Variants in CEP83 observed in about 807,000 individuals in gnomAD.
The protein encoded by CEP83 is centrosomal protein of 83 kDa.
A neutral mutation model predicts 101.9 loss-of-function variants in CEP83; 70 were observed. That is an observed-to-expected ratio of 0.69 (90% CI 0.57 to 0.84). The LOEUF is 0.84. Ranked by LOEUF, CEP83 falls within the 40% of genes least tolerant of loss-of-function variation. The probability of loss-of-function intolerance (pLI) is 0.00; values close to 1 mark genes in which losing one functional copy is unlikely to be tolerated. For synonymous variants in CEP83, 264 were observed against 267.9 expected, an observed-to-expected ratio of 0.99 and a Z score of 0.14; for missense variants, 715 against 787.2, an observed-to-expected ratio of 0.91 and a Z score of 1.10.
chr12:94,412,154 G>T (rs940040840), intron 3 of CEP83, among the ~76,000 whole-genome samples, 164 bp downstream of exon 3: 11 of 151,964 alleles, frequency 7.2e-5, no homozygotes, highest in African/African-American at 2.4e-4. Context: ...ACTTAGTTTG[G>T]AACAAAGTAA....
rs890716397 is a variant in CEP83 at position 94,388,547 on chromosome 12, A to G, written c.550-9505T>C. Among the ~76,000 whole-genome samples, 4 of 152,196 alleles carry G rather than the reference A, an allele frequency of 2.6e-5. No homozygotes were observed. The East Asian group carries it at 7.7e-4, about 29-fold the overall frequency. On this transcript the variant is annotated intron_variant, in intron 6 of 16. Coordinates refer to ENST00000397809, the MANE Select transcript of CEP83 (RefSeq NM_016122.3). Reference sequence around the variant, plus strand: ...AAGTTCTGCCTCAGCATCATGCAATACACCTGTGTAACAAATCTACACATG... The same window carrying G: ...AAGTTCTGCCTCAGCATCATGCAATGCACCTGTGTAACAAATCTACACATG...
the CEP83 span, among the ~76,000 whole-genome samples, chr12:94,289,078 A>G: frequency 4.5e-4 from 69 of 152,374 alleles, no homozygotes; most frequent in East Asian, 5.2e-3. Context: ...AAGGTTAAAC[A>G]TAAGTTCAAC....
chr12:94,313,510 A>C (rs565467699), intron 14 of CEP83, among the ~76,000 whole-genome samples: 2 of 147,606 alleles, frequency 1.4e-5, no homozygotes, highest in African/African-American at 5.1e-5. Flanking sequence ...ACCCTGGACA[A>C]CAGATCAAGA....
At chr12:94,279,727 CT>C in the CEP83 span, 2 of 1,226,580 alleles carry the variant, frequency 1.6e-6, no homozygotes, top group East Asian at 5.0e-5. Context: ...CCTGTCCCCC[CT>C]CCCTGCCCCC....
intron 11 of CEP83, among the ~76,000 whole-genome samples, chr12:94,354,966 C>T (rs2060381292): frequency 6.6e-6 from 1 of 152,006 alleles, no homozygotes; most frequent in African/African-American, 2.4e-5. Flanking sequence ...CGTGCCACTG[C>T]ACTCCAGCCT....
At position 94,456,637 on chromosome 12, in the gene CEP83, A is replaced by G. The variant is rs976299229; in HGVS notation, c.-155+2920T>C. On this transcript the variant is annotated intron_variant, in intron 1 of 16. Coordinates refer to ENST00000397809, the MANE Select transcript of CEP83 (RefSeq NM_016122.3). ...GAATGAATGCAGGAGGAACTACCAA[A>G]CACTTATAAAACCACCAGATCTCAT... 3.9e-5 allele frequency among the ~76,000 whole-genome samples: 6 copies of G among 152,182 alleles called. No individual in the cohort carries two copies. In the East Asian group the frequency reaches 1.2e-3, roughly 29 times the overall value.
chr12:94,310,435 C>T (rs1969674618), intron 15 of CEP83, among the ~76,000 whole-genome samples: 1 of 152,140 alleles, frequency 6.6e-6, no homozygotes, highest in Admixed American at 6.6e-5. Context: ...AGACTCTAAA[C>T]CAAAAGAGTG....
downstream of CEP83, among the ~76,000 whole-genome samples, chr12:94,304,992 GC>G (rs2136241408): frequency 6.6e-6 from 1 of 152,340 alleles, no homozygotes; most frequent in African/African-American, 2.4e-5. Flanking sequence ...TCTATTTTAA[GC>G]CAAGGTATTG....
At chr12:94,374,855 T>C (rs2061457615) in intron 8 of CEP83, among the ~76,000 whole-genome samples, 1 of 152,226 alleles carries the variant, frequency 6.6e-6, no homozygotes, top group South Asian at 2.1e-4. Flanking sequence ...AACTCTGTAA[T>C]GTAGGTATTA....
At chr12:94,377,261 G>A (rs961397274) in intron 7 of CEP83, among the ~76,000 whole-genome samples, 8 of 152,030 alleles carry the variant, frequency 5.3e-5, no homozygotes, top group African/African-American at 9.7e-5. Flanking sequence ...ATCATTTGGC[G>A]ACACAGTACT....
At chr12:94,398,980 C>T (rs1477045454) in intron 6 of CEP83, among the ~76,000 whole-genome samples, 5 of 152,166 alleles carry the variant, frequency 3.3e-5, no homozygotes, top group African/African-American at 9.7e-5. Flanking sequence ...TCTCTGCTCT[C>T]GAACTCTGTT....
chr12:94,414,211 A>C (rs1429075324), intron 2 of CEP83, among the ~76,000 whole-genome samples: 1 of 152,240 alleles, frequency 6.6e-6, no homozygotes, highest in Non-Finnish European at 1.5e-5. Flanking sequence ...CCACAAAATT[A>C]TCCTGCCAAA....
chr12:94,283,601 TGA>T, the CEP83 span, among the ~76,000 whole-genome samples: 1 of 152,176 alleles, frequency 6.6e-6, no homozygotes, highest in Non-Finnish European at 1.5e-5. Flanking sequence ...CGTTCAGGGA[TGA>T]GAGTTTTTAA....
rs755361880 is a variant in CEP83, at chr12:94,411,823, T to TAACTTTACATGTTCATTCTGC, written c.177_197dup (p.His63_Glu69dup). 44 of 1,612,192 alleles carry TAACTTTACATGTTCATTCTGC rather than the reference T, an allele frequency of 2.7e-5. No homozygotes were observed. In the African/African-American group the frequency reaches 5.5e-4, roughly 20 times the overall value. On this transcript the variant is annotated inframe_insertion, in exon 4 of 17. Coordinates refer to ENST00000397809, the MANE Select transcript of CEP83 (RefSeq NM_016122.3). ...TAAACAGGTGCTTGAGTTCATTTTG[T>TAACTTTACATGTTCATTCTGC]AACTTTACATGTTCATTCTGCAACC...
chr12:94,300,925 C>T, the CEP83 span: 1 of 1,612,810 alleles, frequency 6.2e-7, no homozygotes, highest in Middle Eastern at 1.7e-4. Flanking sequence ...CTCTTCGCTT[C>T]TGGGTAAACA....
intron 2 of CEP83, among the ~76,000 whole-genome samples, chr12:94,428,571 C>T: frequency 6.6e-6 from 1 of 152,284 alleles, no homozygotes; most frequent in South Asian, 2.1e-4. Flanking sequence ...TGATATTTTA[C>T]TGCAGTTAAC....
At chr12:94,279,411 T>C in the CEP83 span, 3 of 1,477,906 alleles carry the variant, frequency 2.0e-6, no homozygotes, top group Non-Finnish European at 2.8e-6. Context: ...GTGTCTTTTA[T>C]GAAATGCCTT....
the CEP83 span, among the ~76,000 whole-genome samples, chr12:94,274,324 C>A: frequency 1.4e-4 from 21 of 152,096 alleles, no homozygotes; most frequent in Admixed American, 1.1e-3. Flanking sequence ...CAGAGTGAGA[C>A]CCTGTCTATT....
chr12:94,295,320 T>C, the CEP83 span, among the ~76,000 whole-genome samples: 5 of 152,164 alleles, frequency 3.3e-5, no homozygotes, highest in Admixed American at 1.3e-4. Flanking sequence ...TGGGTAGGAC[T>C]CCTTTGGGGA....
Sources: allele counts gnomAD v4.1 joint callset (sites outside exome capture counted in the v4.1 genomes callset), GRCh38; gene constraint gnomAD v4.1.1; transcripts MANE v1.5; gene names NCBI Gene and HGNC (gene_info 2026-07-23, HGNC 2026-07-21).